Variants in ALMS1 observed in about 807,000 individuals in gnomAD.
The protein encoded by ALMS1 is ALMS1 centrosome and basal body associated protein.
In ALMS1, 271 loss-of-function variants were observed where a neutral mutation model predicts 352.2. The observed-to-expected ratio is 0.77, with a 90% CI of 0.70 to 0.85. ALMS1 has a LOEUF of 0.85. Ranked by LOEUF, ALMS1 falls within the 40% of genes least tolerant of loss-of-function variation. The pLI, the probability that ALMS1 is intolerant of heterozygous loss-of-function variation, is 0.00. For synonymous variants in ALMS1, 1,865 were observed against 1,761.2 expected, an observed-to-expected ratio of 1.06 and a Z score of -1.48; for missense variants, 5,445 against 4,870.7, an observed-to-expected ratio of 1.12 and a Z score of -3.51.
Position 73,603,245 on chromosome 2 carries a change from C to T in ALMS1, c.12303C>T (p.Phe4101=). The change falls in exon 21 of 23, where the codon TTC becomes TTT. Residue 4101 remains phenylalanine, a synonymous_variant. Coordinates refer to ENST00000613296, the MANE Select transcript of ALMS1 (RefSeq NM_001378454.1). ...ACCCTTTCTTCTCTTGCCTAGTCTT[C>T]CTGGCTATCCAGAAGAACAAGCCTA... ...NRMCPLPKRV[F]LAIQKNKPIS... is the part of the protein sequence containing the mutation. 2 of 1,614,076 alleles carry T rather than the reference C, an allele frequency of 1.2e-6. No individual in the cohort carries two copies. The highest frequency in any genetic ancestry group is 1.7e-6 in the Non-Finnish European group (2 of 1,179,990).
chr2:73,486,256 G>T (rs1403914177), intron 9 of ALMS1, among the ~76,000 whole-genome samples: 1 of 152,130 alleles, frequency 6.6e-6, no homozygotes, highest in African/African-American at 2.4e-5. Context: ...ACCTGTAGCT[G>T]GGAGAGAGAG....
At chr2:73,563,747 T>G (rs113833313) in intron 15 of ALMS1, among the ~76,000 whole-genome samples, 4 of 48,182 alleles carry the variant, frequency 8.3e-5, no homozygotes, top group African/African-American at 4.1e-4. Flanking sequence ...AAAATAAAAA[T>G]AAAAAATGAA....
chr2:73,483,015 A>G (rs1672747838), intron 9 of ALMS1, among the ~76,000 whole-genome samples: 1 of 152,188 alleles, frequency 6.6e-6, no homozygotes, highest in Non-Finnish European at 1.5e-5. Context: ...GATCCTTTCA[A>G]AAAACCAGCT....
chr2:73,424,221 A>T (rs545476840), intron 4 of ALMS1, among the ~76,000 whole-genome samples: 12 of 152,348 alleles, frequency 7.9e-5, no homozygotes, highest in African/African-American at 2.6e-4. Context: ...TCAGGGTTAT[A>T]GGGTGGTAGT....
intron 1 of ALMS1, among the ~76,000 whole-genome samples, chr2:73,386,880 C>CT (rs912007229): frequency 9.9e-5 from 15 of 152,266 alleles, no homozygotes; most frequent in Middle Eastern, 3.4e-3. Flanking sequence ...CCTTACCCCC[C>CT]TTTTTTTAAC....
intron 12 of ALMS1, among the ~76,000 whole-genome samples, chr2:73,549,607 T>G (rs1244294981): frequency 1.3e-5 from 2 of 152,192 alleles, no homozygotes; most frequent in Non-Finnish European, 2.9e-5. Context: ...CCTTTCTTCC[T>G]TCCTCTCTAT....
chr2:73,472,412 G>A (rs1672486184), intron 9 of ALMS1, among the ~76,000 whole-genome samples: 1 of 151,964 alleles, frequency 6.6e-6, no homozygotes, highest in Non-Finnish European at 1.5e-5. Flanking sequence ...CCTCAAATAT[G>A]ATAAAGAATA....
intron 16 of ALMS1, among the ~76,000 whole-genome samples, chr2:73,598,344 A>G (rs1220301088): frequency 6.6e-6 from 1 of 152,126 alleles, no homozygotes; most frequent in Non-Finnish European, 1.5e-5. Context: ...AAATCTGCTC[A>G]TCTTTTTTTT....
At chr2:73,600,920 G>T (rs1325943837) in intron 18 of ALMS1, 39 bp downstream of exon 18, 1 of 1,595,170 alleles carries the variant, frequency 6.3e-7, no homozygotes, top group Admixed American at 1.7e-5. Flanking sequence ...AGAGAAACTA[G>T]TGAATTTCAA....
Position 73,490,345 on chromosome 2 carries a change from C to G in ALMS1, c.8386C>G (p.Gln2796Glu). ...TILAEGRRQS[Q>E]KLPVDFERSF... ...TTTAGCAGAAGGTAGAAGGCAAAGC[C>G]AAAAATTACCTGTTGATTTTGAGCG... Residue 2796 changes from glutamine to glutamate, a missense_variant, in exon 10 of 23, where the codon CAA (glutamine) becomes GAA (glutamate). By Grantham distance (29) the Gln-to-Glu change is conservative. Coordinates refer to ENST00000613296, the MANE Select transcript of ALMS1 (RefSeq NM_001378454.1). The G allele has an allele frequency of 6.2e-7, 1 of 1,612,136 alleles. No individual in the cohort carries two copies. The highest frequency in any genetic ancestry group is 8.5e-7 in the Non-Finnish European group (1 of 1,179,196).
intron 15 of ALMS1, among the ~76,000 whole-genome samples, chr2:73,561,954 G>A (rs1674672205): frequency 6.6e-6 from 1 of 151,218 alleles, no homozygotes; most frequent in South Asian, 2.1e-4. Context: ...AATGAAAAGG[G>A]AGATTTAGGG....
rs767513098 is a variant in ALMS1, at chr2:73,424,486, G to A, written c.821G>A (p.Ser274Asn). The change falls in exon 5 of 23, where the codon AGT (serine) becomes AAT (asparagine). Residue 274 changes from serine (S) to asparagine (N), a missense_variant. Coordinates refer to ENST00000613296, the MANE Select transcript of ALMS1 (RefSeq NM_001378454.1). Reference protein sequence around the residue: ...TEWSSRPSEVSEALFQATAEV... With the variant: ...TEWSSRPSEVNEALFQATAEV... ...TGGTCTTCTCGACCATCGGAAGTTA[G>A]TGAAGCTTTATTCCAGGCTACTGCA... 9.4e-6 allele frequency: 15 copies of A among 1,604,116 alleles called. No homozygotes were observed. The Admixed American group carries it at 1.5e-4, about 17-fold the overall frequency.
At chr2:73,402,135 C>T (rs1334408268) in intron 1 of ALMS1, among the ~76,000 whole-genome samples, 1 of 151,910 alleles carries the variant, frequency 6.6e-6, no homozygotes, top group African/African-American at 2.4e-5. Flanking sequence ...TGTGATAATG[C>T]TGCAGTGAAC....
rs895846574 is a variant in ALMS1, at chr2:73,453,355, A to G, written c.6828A>G (p.Arg2276=). ...AGGCAGAAAATATGGCACTGAAACG[A>G]TGCAATTTTCCTGCTCCCCTTGCCC... is the stretch of plus-strand genomic sequence containing the variant. ...LMEAENMALK[R]CNFPAPLARF... The change falls in exon 8 of 23, where the codon CGA becomes CGG. Residue 2276 remains arginine (R), a synonymous_variant. Transcript: ENST00000613296. 6.2e-7 allele frequency: 1 copy of G among 1,613,918 alleles called. No homozygotes were observed. Among genetic ancestry groups the G allele is most frequent in the Admixed American group, 1.7e-5 (1 of 59,962 alleles).
chr2:73,462,169 TTGAAA>T lies in ALMS1; in HGVS notation c.7674+6879_7674+6883del, dbSNP rs1672218345. Among the ~76,000 whole-genome samples, 4 of 151,974 alleles carry T rather than the reference TTGAAA, an allele frequency of 2.6e-5. No homozygotes were observed. The South Asian group carries it at 8.3e-4, about 32-fold the overall frequency. ...ACATTAATTGTCAGATTCACCAAAG[TTGAAA>T]TGAAGGAAAAAATGTTAAGGACAGC... On this transcript the variant is annotated intron_variant, in intron 9 of 22. Transcript: ENST00000613296.
At chr2:73,395,682 T>A (rs887600587) in intron 1 of ALMS1, among the ~76,000 whole-genome samples, 2 of 152,200 alleles carry the variant, frequency 1.3e-5, no homozygotes, top group African/African-American at 4.8e-5. Context: ...CCTAGTAGAT[T>A]ATTTGTGGGT....
chr2:73,490,680 T>G lies in ALMS1; in HGVS notation c.8721T>G (p.Ser2907=). ...ATGTGAGGAAACACCATTCTCCCTCTCCTCAACATCAGGATTATGTAGCTC... is the reference window on the plus strand; with the variant it reads ...ATGTGAGGAAACACCATTCTCCCTCGCCTCAACATCAGGATTATGTAGCTC... ...DDHVRKHHSP[S]PQHQDYVAPD... is the part of the protein sequence containing the mutation. The change falls in exon 10 of 23, where the codon TCT becomes TCG. Residue 2907 remains serine, a synonymous_variant. Transcript: ENST00000613296. 1 of 1,614,114 alleles carries G rather than the reference T, an allele frequency of 6.2e-7. No individual in the cohort carries two copies. The highest frequency in any genetic ancestry group is 8.5e-7 in the Non-Finnish European group (1 of 1,180,012).
chr2:73,526,357 G>A (rs949686611), intron 11 of ALMS1, among the ~76,000 whole-genome samples: 1 of 152,010 alleles, frequency 6.6e-6, no homozygotes, highest in Non-Finnish European at 1.5e-5. Context: ...TACAGATTCA[G>A]TGGAATACCC....
chr2:73,484,208 G>A (rs1672776473), intron 9 of ALMS1, among the ~76,000 whole-genome samples: 1 of 151,720 alleles, frequency 6.6e-6, no homozygotes, highest in African/African-American at 2.4e-5. Context: ...GCAGCGGCTG[G>A]TACTGGTTGT....
Sources: allele counts gnomAD v4.1 joint callset (sites outside exome capture counted in the v4.1 genomes callset), GRCh38; gene constraint gnomAD v4.1.1; transcripts MANE v1.5; gene names NCBI Gene and HGNC (gene_info 2026-07-23, HGNC 2026-07-21).